Variants in SAMD12 observed in about 807,000 individuals in gnomAD.
SAMD12 encodes sterile alpha motif domain-containing protein 12.
SAMD12 carries 9 observed loss-of-function variants against 15.0 expected under a neutral mutation model. That is an observed-to-expected ratio of 0.60 (90% CI 0.36 to 1.05). The LOEUF (loss-of-function observed/expected upper bound fraction) is 1.05, where lower values mean the gene tolerates loss of function less well. Ranked by LOEUF, SAMD12 falls within the 50% of genes least tolerant of loss-of-function variation. The probability of loss-of-function intolerance (pLI) is 0.01; values close to 1 mark genes in which losing one functional copy is unlikely to be tolerated. For missense variants in SAMD12, 230 were observed against 234.2 expected, an observed-to-expected ratio of 0.98 and a Z score of 0.12; for synonymous variants, 86 against 90.1, an observed-to-expected ratio of 0.96 and a Z score of 0.25.
chr8:118,483,510 C>G (rs992484686), intron 2 of SAMD12, among the ~76,000 whole-genome samples: 1 of 152,084 alleles, frequency 6.6e-6, no homozygotes, highest in Non-Finnish European at 1.5e-5. Flanking sequence ...ACCAAGGTTG[C>G]CATCTAGTGA....
intron 2 of SAMD12, among the ~76,000 whole-genome samples, chr8:118,465,209 C>A (rs1014618425): frequency 6.6e-6 from 1 of 152,092 alleles, no homozygotes; most frequent in African/African-American, 2.4e-5. Context: ...GACCCAGGAG[C>A]AATGATTATA....
intron 4 of SAMD12, among the ~76,000 whole-genome samples, chr8:118,335,513 T>C (rs1817014326): frequency 6.6e-6 from 1 of 152,200 alleles, no homozygotes; most frequent in Non-Finnish European, 1.5e-5. Context: ...TCCCACAACC[T>C]GGTGTGACAC....
At chr8:118,487,704 A>G (rs2131006756) in intron 2 of SAMD12, among the ~76,000 whole-genome samples, 1 of 152,320 alleles carries the variant, frequency 6.6e-6, no homozygotes, top group African/African-American at 2.4e-5. Flanking sequence ...GTCCCTTCTT[A>G]GAGAAAAGGA....
chr8:118,292,305 T>C (rs1021818537), intron 4 of SAMD12, among the ~76,000 whole-genome samples: 1 of 140,004 alleles, frequency 7.1e-6, no homozygotes, highest in Non-Finnish European at 1.5e-5. Flanking sequence ...AAATAAACAA[T>C]ATAATAATAA....
At chr8:118,513,610 A>G (rs780628456) in intron 2 of SAMD12, among the ~76,000 whole-genome samples, 10 of 152,354 alleles carry the variant, frequency 6.6e-5, no homozygotes, top group Non-Finnish European at 1.5e-4. Context: ...TGGTTGTTCC[A>G]GAGAGAAAAT....
chr8:118,575,222 C>T (rs1696500046), intron 2 of SAMD12, among the ~76,000 whole-genome samples: 1 of 152,132 alleles, frequency 6.6e-6, no homozygotes, highest in Non-Finnish European at 1.5e-5. Flanking sequence ...CTAATATTAG[C>T]CTAATGAGAA....
chr8:118,275,758 T>C (rs1261871116), intron 4 of SAMD12, among the ~76,000 whole-genome samples: 1 of 152,210 alleles, frequency 6.6e-6, no homozygotes, highest in African/African-American at 2.4e-5. Flanking sequence ...GCCATTTCTA[T>C]GTTCATGAGT....
At chr8:118,257,129 G>C (rs1391260267) in intron 4 of SAMD12, among the ~76,000 whole-genome samples, 1 of 152,060 alleles carries the variant, frequency 6.6e-6, no homozygotes, top group African/African-American at 2.4e-5. Flanking sequence ...GCTGCTCTCT[G>C]TTATGAAAGT....
intron 4 of SAMD12, among the ~76,000 whole-genome samples, chr8:118,210,071 T>A (rs187343502): frequency 6.6e-6 from 1 of 152,334 alleles, no homozygotes; most frequent in East Asian, 1.9e-4. Flanking sequence ...TAATTGCATT[T>A]TATTCTGTCA....
At chr8:118,368,661 A>G (rs1354521276) in intron 4 of SAMD12, among the ~76,000 whole-genome samples, 1 of 152,212 alleles carries the variant, frequency 6.6e-6, no homozygotes, top group East Asian at 1.9e-4. Flanking sequence ...TTGTGAATCC[A>G]TGAAAATTGA....
chr8:118,357,791 C>T (rs1818305058), intron 4 of SAMD12, among the ~76,000 whole-genome samples: 1 of 152,284 alleles, frequency 6.6e-6, no homozygotes, highest in South Asian at 2.1e-4. Flanking sequence ...TGTGTCCCAG[C>T]CACATGACTC....
intron 1 of SAMD12, among the ~76,000 whole-genome samples, chr8:118,617,946 A>T (rs941536379): frequency 6.6e-5 from 10 of 152,114 alleles, no homozygotes; most frequent in African/African-American, 2.4e-4. Flanking sequence ...TAGAGAATGG[A>T]TTAGTTTGGG....
chr8:118,404,477 TA>T (rs1457176881), intron 3 of SAMD12, among the ~76,000 whole-genome samples: 81 of 152,360 alleles, frequency 5.3e-4, no homozygotes, highest in African/African-American at 1.9e-3. Flanking sequence ...GTGGTTGAAA[TA>T]GTCTGAGACA....
chr8:118,165,150 G>T, the SAMD12 span, among the ~76,000 whole-genome samples: 2 of 152,092 alleles, frequency 1.3e-5, no homozygotes, highest in Admixed American at 1.3e-4. Context: ...GATGTTAACT[G>T]CAAGTCTCAG....
chr8:118,240,630 G>A (rs891525515), intron 4 of SAMD12, among the ~76,000 whole-genome samples: 8 of 152,192 alleles, frequency 5.3e-5, no homozygotes, highest in South Asian at 2.1e-4. Flanking sequence ...CACCTAGTAC[G>A]TAGTCAGTAA....
intron 4 of SAMD12, among the ~76,000 whole-genome samples, chr8:118,248,227 A>G (rs1812739844): frequency 6.6e-6 from 1 of 152,128 alleles, no homozygotes; most frequent in Non-Finnish European, 1.5e-5. Flanking sequence ...CAAATAATTA[A>G]TCATTTTCTT....
At chr8:118,563,917 T>C (rs1405866643) in intron 2 of SAMD12, among the ~76,000 whole-genome samples, 1 of 152,166 alleles carries the variant, frequency 6.6e-6, no homozygotes, top group African/African-American at 2.4e-5. Flanking sequence ...CTCAACAAAA[T>C]GGCAGAGTTG....
At chr8:118,553,582 G>C (rs1435630411) in intron 2 of SAMD12, among the ~76,000 whole-genome samples, 2 of 149,924 alleles carry the variant, frequency 1.3e-5, no homozygotes, top group Non-Finnish European at 3.0e-5. Context: ...AAAAACCCTA[G>C]AAGAAAACCT....
intron 3 of SAMD12, among the ~76,000 whole-genome samples, chr8:118,406,893 T>C (rs1016913979): frequency 2.5e-5 from 2 of 81,016 alleles, no homozygotes; most frequent in Non-Finnish European, 2.6e-5. Flanking sequence ...TATTCCATTG[T>C]GTGTGTGTGT....
Sources: allele counts gnomAD v4.1 joint callset (sites outside exome capture counted in the v4.1 genomes callset), GRCh38; gene constraint gnomAD v4.1.1; transcripts MANE v1.5; gene names NCBI Gene and HGNC (gene_info 2026-07-23, HGNC 2026-07-21).